ARHGEF6: variants seen among roughly 807,000 people sequenced by gnomAD.
The protein encoded by ARHGEF6 is rho guanine nucleotide exchange factor 6.
In ARHGEF6, 9 loss-of-function variants were observed where a neutral mutation model predicts 70.3. That is an observed-to-expected ratio of 0.13 (90% confidence interval 0.08 to 0.22). The LOEUF is 0.22. Ranked by LOEUF, ARHGEF6 falls within the 10% of genes least tolerant of loss-of-function variation. The probability of loss-of-function intolerance (pLI) is 1.00; values close to 1 mark genes in which losing one functional copy is unlikely to be tolerated. For synonymous variants in ARHGEF6, 201 were observed against 207.8 expected (o/e 0.97, Z 0.28); for missense variants, 470 against 563.0 (o/e 0.83, Z 1.67).
At chrX:136,713,227 T>G in intron 7 of ARHGEF6, 49 bp downstream of exon 7, 2 of 949,919 alleles carry the variant, frequency 2.1e-6, no homozygotes, top group Non-Finnish European at 3.0e-6. Flanking sequence ...TTCCATATGT[T>G]GACATTATGT....
At chrX:136,776,898 A>G (rs868425069) in intron 2 of ARHGEF6, among the ~76,000 whole-genome samples, 7 of 109,760 alleles carry the variant, frequency 6.4e-5, no homozygotes, top group African/African-American at 2.3e-4. Context: ...TAAATAAATA[A>G]ATAAATAAAT....
intron 11 of ARHGEF6, among the ~76,000 whole-genome samples, chrX:136,686,377 A>G (rs1459370661): frequency 9.2e-6 from 1 of 109,176 alleles, no homozygotes; most frequent in Non-Finnish European, 1.9e-5. Flanking sequence ...AATCAAACTT[A>G]TAATGAAACC....
chrX:136,759,643 A>C (rs2059136539), intron 2 of ARHGEF6, among the ~76,000 whole-genome samples: 1 of 109,894 alleles, frequency 9.1e-6, no homozygotes, highest in African/African-American at 3.3e-5. Flanking sequence ...AAAAAAAAAA[A>C]GCCTCTTAAA....
At chrX:136,744,845 T>TAATCAATATTGATTAGTA (rs2077079182) in intron 4 of ARHGEF6, among the ~76,000 whole-genome samples, 1 of 112,513 alleles carries the variant, frequency 8.9e-6, no homozygotes, top group African/African-American at 3.2e-5. Context: ...ATGAGGATAC[T>TAATCAATATTGATTAGTA]AATCAATATT....
At chrX:136,752,939 C>T (rs959223854) in intron 2 of ARHGEF6, among the ~76,000 whole-genome samples, 2 of 111,968 alleles carry the variant, frequency 1.8e-5, no homozygotes, top group African/African-American at 6.5e-5. Flanking sequence ...GTGGAAATGT[C>T]ATTACATAGT....
rs759440067 is a variant in ARHGEF6, at chrX:136,672,062, A to G, written c.2093T>C (p.Ile698Thr). 2.5e-5 allele frequency: 30 copies of G among 1,209,469 alleles called. No homozygotes were observed. Among genetic ancestry groups the G allele is most frequent in the African/African-American group, 3.5e-5 (2 of 57,129 alleles). Residue 698 changes from isoleucine (I) to threonine (T), a missense_variant, in exon 20 of 22, where the codon ATT (isoleucine) becomes ACT (threonine). Ile to Thr is a moderately conservative substitution (Grantham distance 89, BLOSUM62 -1). Transcript: ENST00000250617. ...VLLPEEEKLI[I>T]EETRSNGQTI... ...CTGGCCGTTGCTTCTGGTTTCTTCAATGATGAGTTTCTCTTCCTCAGGGAG... is the reference window on the plus strand; with the variant it reads ...CTGGCCGTTGCTTCTGGTTTCTTCAGTGATGAGTTTCTCTTCCTCAGGGAG...
intron 18 of ARHGEF6, 59 bp from the exon 19 acceptor site, chrX:136,675,155 G>A: frequency 3.0e-6 from 3 of 991,271 alleles, no homozygotes; most frequent in Non-Finnish European, 4.3e-6. Context: ...CCCTCAAAAT[G>A]ATGCAGCACA....
At chrX:136,771,096 C>G (rs1722172766) in intron 2 of ARHGEF6, among the ~76,000 whole-genome samples, 1 of 112,224 alleles carries the variant, frequency 8.9e-6, no homozygotes, top group African/African-American at 3.2e-5. Context: ...TAATAAAATC[C>G]TTTGGAATAA....
intron 10 of ARHGEF6, among the ~76,000 whole-genome samples, chrX:136,690,078 T>C (rs1421350003): frequency 8.9e-6 from 1 of 112,163 alleles, no homozygotes; most frequent in African/African-American, 3.2e-5. Context: ...ATACCACTAA[T>C]ATTGTATCCA....
At chrX:136,726,772 A>G (rs371830504) in intron 6 of ARHGEF6, among the ~76,000 whole-genome samples, 2 of 112,757 alleles carry the variant, frequency 1.8e-5, no homozygotes, top group East Asian at 5.6e-4. Context: ...ATATTTTCCT[A>G]CTTGGATGGG....
intron 21 of ARHGEF6, among the ~76,000 whole-genome samples, chrX:136,669,117 C>T (rs954030442): frequency 1.8e-5 from 2 of 111,830 alleles, no homozygotes; most frequent in African/African-American, 3.3e-5. Context: ...GTGTGCATCA[C>T]GGAGCACTAG....
At chrX:136,716,476 C>T (rs1278752968) in intron 6 of ARHGEF6, among the ~76,000 whole-genome samples, 2 of 110,518 alleles carry the variant, frequency 1.8e-5, no homozygotes, top group Non-Finnish European at 3.8e-5. Context: ...AGAATGTTTC[C>T]CCTCCTTCTA....
Position 136,732,177 on chromosome X carries a change from G to GA in ARHGEF6, c.662-6dup, listed in dbSNP as rs749743568. The GA allele has an allele frequency of 4.0e-5, 47 of 1,183,601 alleles. No individual in the cohort carries two copies. The African/African-American group carries it at 4.8e-4, about 12-fold the overall frequency. ...CTTTTGGGGAGAGAGGTCTCTCTGT[G>GA]AAAAAAACATTTAAATTATGTTAAT... On this transcript the variant is annotated splice_region_variant and splice_polypyrimidine_tract_variant and intron_variant, in intron 5 of 21. Coordinates refer to ENST00000250617, the MANE Select transcript of ARHGEF6 (RefSeq NM_004840.3).
chrX:136,740,070 A>G (rs1316221138), intron 5 of ARHGEF6, among the ~76,000 whole-genome samples: 1 of 110,785 alleles, frequency 9.0e-6, no homozygotes, highest in Non-Finnish European at 1.9e-5. Flanking sequence ...GTGCAGTGGC[A>G]CGATCTCAGC....
At chrX:136,755,450 C>T (rs993187942) in intron 2 of ARHGEF6, among the ~76,000 whole-genome samples, 1 of 111,729 alleles carries the variant, frequency 9.0e-6, no homozygotes, top group African/African-American at 3.3e-5. Flanking sequence ...AGGAGCCTCA[C>T]CTATGGAGAG....
At chrX:136,701,943 G>A (rs1254479377) in intron 9 of ARHGEF6, among the ~76,000 whole-genome samples, 25 of 110,321 alleles carry the variant, frequency 2.3e-4, no homozygotes, top group African/African-American at 5.9e-4. Flanking sequence ...TCCTGACCTC[G>A]TGATCCGCCC....
chrX:136,681,884 A>G lies in ARHGEF6; in HGVS notation c.1558+6T>C. 1 of 1,194,235 alleles carries G rather than the reference A, an allele frequency of 8.4e-7. No homozygotes were observed. ...GTAGTTACATGAAAAAGAGAAAATTACCTACCAGTGATTTCAAATGTGCAG... is the reference window on the plus strand; with the variant it reads ...GTAGTTACATGAAAAAGAGAAAATTGCCTACCAGTGATTTCAAATGTGCAG... On this transcript the variant is annotated splice_donor_region_variant and intron_variant, in intron 14 of 21. Transcript: ENST00000250617.
At chrX:136,728,383 A>G (rs1386633502) in intron 6 of ARHGEF6, among the ~76,000 whole-genome samples, 3 of 110,792 alleles carry the variant, frequency 2.7e-5, no homozygotes, top group Non-Finnish European at 3.8e-5. Context: ...CTGGACAACT[A>G]TGTAACATTT....
rs190899318 is a variant in ARHGEF6 at position 136,695,659 on chromosome X, C to T, written c.1047-4911G>A. Among the ~76,000 whole-genome samples the T allele has an allele frequency of 2.1e-3, 236 of 112,001 alleles. 1 individual carries two copies. The Middle Eastern group carries it at 0.028, about 13-fold the overall frequency. ...CATTTTACTGGTGTTAAGGAATTTG[C>T]CCTTATATTCACAGGACATTTATGA... On this transcript the variant is annotated intron_variant, in intron 9 of 21. Transcript: ENST00000250617.
Sources: allele counts gnomAD v4.1 joint callset (sites outside exome capture counted in the v4.1 genomes callset), GRCh38; gene constraint gnomAD v4.1.1; transcripts MANE v1.5; gene names NCBI Gene and HGNC (gene_info 2026-07-23, HGNC 2026-07-21).